The following RBFOX1 variants were observed in gnomAD, a reference collection of about 807,000 sequenced individuals.
The protein encoded by RBFOX1 is RNA binding protein fox-1 homolog 1.
RBFOX1 carries 8 observed loss-of-function variants against 57.7 expected under a neutral mutation model. The ratio of observed to expected loss-of-function variants is 0.14; its 90% CI spans 0.08 to 0.25. The LOEUF (loss-of-function observed/expected upper bound fraction) is 0.25, where lower values mean the gene tolerates loss of function less well. Ranked by LOEUF, RBFOX1 falls within the 10% of genes least tolerant of loss-of-function variation. The pLI, the probability that RBFOX1 is intolerant of heterozygous loss-of-function variation, is 1.00. For synonymous variants in RBFOX1, 326 were observed against 222.4 expected, an observed-to-expected ratio of 1.47 and a Z score of -4.15; for missense variants, 611 against 548.5, an observed-to-expected ratio of 1.11 and a Z score of -1.14.
At chr16:7,605,719 C>G (rs892092524) in intron 9 of RBFOX1, among the ~76,000 whole-genome samples, 2 of 152,214 alleles carry the variant, frequency 1.3e-5, no homozygotes, top group South Asian at 4.1e-4. Context: ...CCTTCCTTCA[C>G]ATTCAAACTT....
chr16:6,123,155 A>G (rs1258321752), intron 1 of RBFOX1, among the ~76,000 whole-genome samples: 1 of 152,204 alleles, frequency 6.6e-6, no homozygotes, highest in Non-Finnish European at 1.5e-5. Flanking sequence ...TCCTATGAAT[A>G]CACACAAAGG....
intron 4 of RBFOX1, among the ~76,000 whole-genome samples, chr16:7,155,078 A>G (rs1313382162): frequency 6.6e-6 from 1 of 152,176 alleles, no homozygotes; most frequent in Non-Finnish European, 1.5e-5. Context: ...TGTTTCTTCA[A>G]GGTATCAATG....
intron 4 of RBFOX1, among the ~76,000 whole-genome samples, chr16:5,896,043 C>T (rs2058156544): frequency 6.6e-6 from 1 of 151,990 alleles, no homozygotes; most frequent in South Asian, 2.1e-4. Flanking sequence ...AGATGCCGAG[C>T]CTGAGAGGGG....
At chr16:5,513,578 T>C (rs945898198) in intron 2 of RBFOX1, among the ~76,000 whole-genome samples, 3 of 152,228 alleles carry the variant, frequency 2.0e-5, no homozygotes, top group Non-Finnish European at 2.9e-5. Flanking sequence ...TTTGCTTTCA[T>C]TGATGGAGGA....
At chr16:5,432,285 A>C (rs532291098) in intron 1 of RBFOX1, among the ~76,000 whole-genome samples, 1 of 151,742 alleles carries the variant, frequency 6.6e-6, no homozygotes, top group Non-Finnish European at 1.5e-5. Context: ...ATGAGATGAA[A>C]TGGGAAAAGG....
intron 1 of RBFOX1, among the ~76,000 whole-genome samples, chr16:6,216,543 A>C (rs1274042065): frequency 2.0e-5 from 3 of 152,234 alleles, no homozygotes; most frequent in Admixed American, 1.3e-4. Flanking sequence ...CTCTGCTAGA[A>C]ATATCCACAA....
At chr16:5,587,322 T>C (rs1267145226) in intron 2 of RBFOX1, among the ~76,000 whole-genome samples, 1 of 152,154 alleles carries the variant, frequency 6.6e-6, no homozygotes, top group East Asian at 1.9e-4. Flanking sequence ...AGTAATCACA[T>C]GAAAAGATGC....
At chr16:5,311,945 C>A (rs1003336346) in intron 1 of RBFOX1, among the ~76,000 whole-genome samples, 3 of 152,308 alleles carry the variant, frequency 2.0e-5, no homozygotes, top group African/African-American at 7.2e-5. Flanking sequence ...GTGGGCAAAT[C>A]CATCCTCCCC....
chr16:6,530,463 A>G (rs1350892846), intron 2 of RBFOX1, among the ~76,000 whole-genome samples: 1 of 152,166 alleles, frequency 6.6e-6, no homozygotes, highest in African/African-American at 2.4e-5. Context: ...TCTTTGTTGT[A>G]AATATTCAAA....
chr16:7,653,699 C>CG lies in RBFOX1; in HGVS notation c.758-111dup, dbSNP rs1269007404. The stretch of plus-strand genomic sequence containing the variant: ...TAACCTCTTGATTCCGGGAAGCGGG[C>CG]GGGGGTCCTGCTGGGACCCTGTGCA... On this transcript the variant is annotated intron_variant, in intron 11 of 15. Coordinates refer to ENST00000550418, the MANE Select transcript of RBFOX1 (RefSeq NM_018723.4). 2.0e-5 allele frequency: 29 copies of CG among 1,429,270 alleles called. No individual in the cohort carries two copies. The East Asian group carries it at 6.8e-4, about 34-fold the overall frequency. 88.5% of individuals were successfully genotyped at this position (1,429,270 alleles called of 1,614,324 possible).
intron 2 of RBFOX1, among the ~76,000 whole-genome samples, chr16:6,649,089 C>T (rs1035764339): frequency 1.5e-4 from 23 of 152,234 alleles, no homozygotes; most frequent in African/African-American, 5.3e-4. Flanking sequence ...TCTTTAGGCC[C>T]AGATCTCCCC....
intron 2 of RBFOX1, among the ~76,000 whole-genome samples, chr16:6,424,605 C>CTGTGTGTGCG (rs2093870091): frequency 7.0e-5 from 1 of 14,270 alleles, no homozygotes; most frequent in Non-Finnish European, 1.7e-4. Flanking sequence ...CTTAAGAGCA[C>CTGTGTGTGCG]TGTGTGTGTG....
chr16:6,206,115 G>A (rs1156418532), intron 1 of RBFOX1, among the ~76,000 whole-genome samples: 1 of 152,004 alleles, frequency 6.6e-6, no homozygotes, highest in Non-Finnish European at 1.5e-5. Flanking sequence ...GTCTTTTAAG[G>A]CACAGGTCAA....
At chr16:7,523,589 T>A (rs1283103312) in intron 5 of RBFOX1, among the ~76,000 whole-genome samples, 1 of 152,142 alleles carries the variant, frequency 6.6e-6, no homozygotes. Flanking sequence ...CAGCAATGTT[T>A]GGATGGTACA....
intron 4 of RBFOX1, among the ~76,000 whole-genome samples, chr16:7,064,012 C>T (rs1438972217): frequency 6.6e-6 from 1 of 152,152 alleles, no homozygotes; most frequent in Non-Finnish European, 1.5e-5. Flanking sequence ...GTTATATGGG[C>T]TGAGTTGTGT....
At chr16:6,256,161 A>ATATATATACG (rs1598871836) in intron 1 of RBFOX1, among the ~76,000 whole-genome samples, 9 of 14,958 alleles carry the variant, frequency 6.0e-4, no homozygotes, top group South Asian at 3.8e-3. Context: ...ATATATATGT[A>ATATATATACG]TATATATATG....
intron 2 of RBFOX1, among the ~76,000 whole-genome samples, chr16:5,473,622 G>A: frequency 7.0e-6 from 1 of 142,712 alleles, no homozygotes; most frequent in Non-Finnish European, 1.5e-5. Context: ...TGGATGGATG[G>A]AAGGATAGAT....
chr16:7,306,424 G>C (rs541785672), intron 4 of RBFOX1, among the ~76,000 whole-genome samples: 1 of 152,164 alleles, frequency 6.6e-6, no homozygotes, highest in African/African-American at 2.4e-5. Flanking sequence ...ATTTAGAAGT[G>C]ACTAAATCAG....
At chr16:6,425,039 A>T (rs779915473) in intron 2 of RBFOX1, among the ~76,000 whole-genome samples, 3 of 152,318 alleles carry the variant, frequency 2.0e-5, no homozygotes, top group East Asian at 3.9e-4. Flanking sequence ...AAATATTTTC[A>T]CTATGTGTTG....
Sources: gnomAD v4.1 joint callset for allele counts (sites outside exome capture counted in the v4.1 genomes callset) on GRCh38, gnomAD v4.1.1 for gene constraint, MANE v1.5 for transcripts, NCBI Gene and HGNC (gene_info 2026-07-23, HGNC 2026-07-21) for gene names.